Variants in SAMD5 observed in about 807,000 individuals in gnomAD.
SAMD5 encodes sterile alpha motif domain containing 5.
SAMD5 carries 13 observed loss-of-function variants against 11.3 expected under a neutral mutation model. That is an observed-to-expected ratio of 1.15 (90% CI 0.75 to 1.83). SAMD5 has a LOEUF of 1.83. SAMD5 is among the 40% of genes most tolerant of loss of function. The pLI is 0.00. For missense variants in SAMD5, 255 were observed against 239.1 expected (o/e 1.07, Z -0.44); for synonymous variants, 129 against 111.3 (o/e 1.16, Z -1.00).
the SAMD5 span, among the ~76,000 whole-genome samples, chr6:147,748,654 G>A: frequency 6.6e-6 from 1 of 152,116 alleles, no homozygotes; most frequent in Non-Finnish European, 1.5e-5. Context: ...GAGAAAAAAG[G>A]GATGTATGAA....
rs145210089 is a variant in SAMD5 at position 147,534,498 on chromosome 6, C to T, written c.459+25111C>T. Among the ~76,000 whole-genome samples the T allele has an allele frequency of 3.8e-3, 580 of 152,326 alleles. 1 individual carries two copies. Among genetic ancestry groups the T allele is most frequent in the Middle Eastern group, 0.017 (5 of 294 alleles). On this transcript the variant is annotated intron_variant, in intron 1 of 1. Transcript: ENST00000367474. ...GAAAGAGTAATTCACACAGAGCCGGCTGTGCGGGAGACCAGAGTTTTATTA... is the reference window on the plus strand; with the variant it reads ...GAAAGAGTAATTCACACAGAGCCGGTTGTGCGGGAGACCAGAGTTTTATTA...
chr6:147,601,348 T>C (rs1789611913), intron 1 of SAMD5, among the ~76,000 whole-genome samples: 1 of 152,134 alleles, frequency 6.6e-6, no homozygotes, highest in Non-Finnish European at 1.5e-5. Flanking sequence ...GATTTTTTTT[T>C]TTTGCTGGAC....
intron 1 of SAMD5, among the ~76,000 whole-genome samples, chr6:147,540,684 C>T (rs1181277878): frequency 6.6e-6 from 1 of 152,094 alleles, no homozygotes; most frequent in Non-Finnish European, 1.5e-5. Flanking sequence ...TTTGCTACCG[C>T]CTAAGACGAG....
chr6:147,653,455 C>T (rs772729523), intron 1 of SAMD5, among the ~76,000 whole-genome samples: 1 of 152,142 alleles, frequency 6.6e-6, no homozygotes, highest in Non-Finnish European at 1.5e-5. Context: ...GCATGTTATC[C>T]GTGGCTCCGT....
intron 1 of SAMD5, among the ~76,000 whole-genome samples, chr6:147,551,812 T>TATATATATATATATATA (rs1788775999): frequency 1.0e-5 from 1 of 99,456 alleles, no homozygotes; most frequent in African/African-American, 3.5e-5. Flanking sequence ...TATATATATG[T>TATATATATATATATATA]TATATATATA....
intron 1 of SAMD5, among the ~76,000 whole-genome samples, chr6:147,608,220 G>T (rs1789731215): frequency 6.6e-6 from 1 of 152,196 alleles, no homozygotes; most frequent in South Asian, 2.1e-4. Flanking sequence ...ACTATGGAGA[G>T]CAGTTTGGAA....
At chr6:147,690,344 A>AC (rs1186516439) in intron 1 of SAMD5, among the ~76,000 whole-genome samples, 1 of 152,198 alleles carries the variant, frequency 6.6e-6, no homozygotes, top group Non-Finnish European at 1.5e-5. Flanking sequence ...TAGTTTAAAA[A>AC]AATTTTAATA....
At chr6:147,579,519 G>T (rs765408659) in intron 1 of SAMD5, among the ~76,000 whole-genome samples, 34 of 129,474 alleles carry the variant, frequency 2.6e-4, no homozygotes, top group Non-Finnish European at 5.0e-4. Context: ...AGGCTAAAGT[G>T]CAGCAGTGTG....
the SAMD5 span, among the ~76,000 whole-genome samples, chr6:147,812,426 G>T: frequency 6.6e-6 from 1 of 152,022 alleles, no homozygotes; most frequent in Non-Finnish European, 1.5e-5. Flanking sequence ...AGGGTTTGGG[G>T]AGCGGAAGGG....
chr6:147,926,876 C>A, the SAMD5 span, among the ~76,000 whole-genome samples: 1 of 152,128 alleles, frequency 6.6e-6, no homozygotes, highest in African/African-American at 2.4e-5. Context: ...GATCCAGTTT[C>A]AATCTTCTGC....
chr6:147,644,242 G>A (rs1207807198), intron 1 of SAMD5, among the ~76,000 whole-genome samples: 1 of 152,118 alleles, frequency 6.6e-6, no homozygotes, highest in Non-Finnish European at 1.5e-5. Flanking sequence ...TCAGAGGAGG[G>A]AGGAATCTTG....
the SAMD5 span, among the ~76,000 whole-genome samples, chr6:147,888,308 G>A: frequency 1.3e-5 from 2 of 151,774 alleles, no homozygotes; most frequent in Non-Finnish European, 2.9e-5. Context: ...TCTTCTGCTT[G>A]ATATACTTTA....
At position 147,637,145 on chromosome 6, in the gene SAMD5, G is replaced by A. The variant is rs142419861; in HGVS notation, c.163-100172G>A. On this transcript the variant is annotated intron_variant, in intron 1 of 1. Transcript: ENST00000566741. ...AGTGTTAGATGGCCGCCATTCTCTA[G>A]GACCAGCCAGATCACTCCAGGTAGC... Among the ~76,000 whole-genome samples the A allele has an allele frequency of 6.8e-4, 103 of 152,256 alleles. 1 individual carries two copies. Among genetic ancestry groups the A allele is most frequent in the African/African-American group, 2.3e-3 (94 of 41,540 alleles).
chr6:147,944,124 C>T, the SAMD5 span, among the ~76,000 whole-genome samples: 6 of 152,314 alleles, frequency 3.9e-5, no homozygotes, highest in Admixed American at 2.6e-4. Flanking sequence ...TTCCCTCCCC[C>T]TCTCTCACTC....
chr6:147,877,887 ATAGATAG>A, the SAMD5 span, among the ~76,000 whole-genome samples: 240 of 78,052 alleles, frequency 3.1e-3, 1 homozygote, highest in Middle Eastern at 6.6e-3. Context: ...CACACGATAG[ATAGATAG>A]CTAGATAGAT....
chr6:147,803,153 G>C, the SAMD5 span, among the ~76,000 whole-genome samples: 1 of 147,548 alleles, frequency 6.8e-6, no homozygotes, highest in African/African-American at 2.6e-5. Context: ...GTGTGTGTGT[G>C]TGTGTGTGTG....
At chr6:147,580,933 G>C (rs891646077) in intron 1 of SAMD5, among the ~76,000 whole-genome samples, 1 of 152,088 alleles carries the variant, frequency 6.6e-6, no homozygotes, top group South Asian at 2.1e-4. Flanking sequence ...ACGCTATGTT[G>C]GGGGTAAAGC....
chr6:147,925,314 C>A, the SAMD5 span, among the ~76,000 whole-genome samples: 1 of 152,172 alleles, frequency 6.6e-6, no homozygotes, highest in Non-Finnish European at 1.5e-5. Context: ...TTCCCGGGAA[C>A]TGAGTCAGCC....
chr6:147,852,224 A>ATAAATACAGCTGTATTTATG, the SAMD5 span, among the ~76,000 whole-genome samples: 3 of 152,094 alleles, frequency 2.0e-5, no homozygotes, highest in Admixed American at 2.0e-4. Flanking sequence ...TAATGTTTCC[A>ATAAATACAGCTGTATTTATG]TAAATACAGC....
Sources: gnomAD v4.1 joint callset for allele counts (sites outside exome capture counted in the v4.1 genomes callset) on GRCh38, gnomAD v4.1.1 for gene constraint, MANE v1.5 for transcripts, NCBI Gene and HGNC (gene_info 2026-07-23, HGNC 2026-07-21) for gene names.